Variants in CWC22 observed in about 807,000 individuals in gnomAD.
CWC22 encodes CWC22 spliceosome associated protein.
In CWC22, 53 loss-of-function variants were observed where a neutral mutation model predicts 117.2. The ratio of observed to expected loss-of-function variants is 0.45; its 90% confidence interval spans 0.36 to 0.57. The LOEUF (loss-of-function observed/expected upper bound fraction) is 0.57, where lower values mean the gene tolerates loss of function less well. Among genes scored for constraint, CWC22 ranks in the 20% least tolerant of loss-of-function variants. The pLI, the probability that CWC22 is intolerant of heterozygous loss-of-function variation, is 0.00. For missense variants in CWC22, 980 were observed against 1,068.8 expected, an observed-to-expected ratio of 0.92 and a Z score of 1.16; for synonymous variants, 360 against 355.6, an observed-to-expected ratio of 1.01 and a Z score of -0.14.
chr2:179,986,778 C>T lies in CWC22; in HGVS notation c.123G>A (p.Arg41=). ...TGCTGTAATCAAAGTAATCTCTATC[C>T]CGGGGGGATCGTTCTTGTTCTTCAT... The part of the protein sequence containing the change: ...DRYEEQERSP[R]DRDYFDYSRS... Residue 41 remains arginine (R), a synonymous_variant, in exon 4 of 20, where the codon CGG becomes CGA. Transcript: ENST00000410053. The T allele has an allele frequency of 6.3e-7, 1 of 1,597,128 alleles. No individual in the cohort carries two copies. Among genetic ancestry groups the T allele is most frequent in the Non-Finnish European group, 8.5e-7 (1 of 1,172,824 alleles).
intron 2 of CWC22, among the ~76,000 whole-genome samples, chr2:179,990,445 G>C (rs577206355): frequency 6.6e-6 from 1 of 152,192 alleles, no homozygotes; most frequent in South Asian, 2.1e-4. Flanking sequence ...AGGCCAAGGA[G>C]CTTATGATCT....
chr2:179,949,240 G>A (rs1391380191), intron 19 of CWC22, among the ~76,000 whole-genome samples: 2 of 152,148 alleles, frequency 1.3e-5, no homozygotes, highest in Non-Finnish European at 2.9e-5. Flanking sequence ...GCCTTGCAGG[G>A]CTAGAGAGAC....
intron 1 of CWC22, among the ~76,000 whole-genome samples, chr2:179,995,456 G>A (rs544634377): frequency 2.6e-5 from 4 of 152,272 alleles, no homozygotes; most frequent in African/African-American, 7.2e-5. Flanking sequence ...TTTCAAAGGC[G>A]AAAGAGAGGT....
At chr2:179,980,421 T>TA (rs1427292927) in intron 5 of CWC22, among the ~76,000 whole-genome samples, 5 of 147,392 alleles carry the variant, frequency 3.4e-5, no homozygotes, top group African/African-American at 1.0e-4. Context: ...CATTTCTTAT[T>TA]TTTTTTTTTT....
Position 179,986,735 on chromosome 2 carries a change from A to C in CWC22, c.166T>G (p.Ser56Ala). 1 of 1,609,182 alleles carries C rather than the reference A, an allele frequency of 6.2e-7. No homozygotes were observed. Among genetic ancestry groups the C allele is most frequent in the African/African-American group, 1.3e-5 (1 of 74,942 alleles). Residue 56 changes from serine (S) to alanine (A), a missense_variant, in exon 4 of 20, where the codon TCA (serine) becomes GCA (alanine). Physicochemically the swap from Ser to Ala is moderately conservative, Grantham distance 99. This residue lies in a region of CWC22 where 559 missense variants were observed against 602.3 expected (regional missense o/e 0.93). Coordinates refer to ENST00000410053, the MANE Select transcript of CWC22 (RefSeq NM_020943.3). ...CTATCATAAGAACGTCCTCTTCTTG[A>C]ATGCTCATAGTCTGATCTGCTGTAA... is the stretch of plus-strand genomic sequence containing the variant. Reference protein sequence around the residue: ...FDYSRSDYEHSRRGRSYDSSM... With the variant: ...FDYSRSDYEHARRGRSYDSSM...
intron 13 of CWC22, among the ~76,000 whole-genome samples, chr2:179,961,428 G>A (rs1167560764): frequency 2.0e-5 from 3 of 151,602 alleles, no homozygotes; most frequent in Non-Finnish European, 4.4e-5. Flanking sequence ...ATGGTACAAG[G>A]CAATGAAATA....
rs538460267 is a variant in CWC22 at position 179,981,821 on chromosome 2, C to T, written c.383G>A (p.Arg128His). The T allele has an allele frequency of 1.1e-5, 18 of 1,613,712 alleles. No individual in the cohort carries two copies. Among genetic ancestry groups the T allele is most frequent in the South Asian group, 2.2e-5 (2 of 91,072 alleles). Residue 128 changes from arginine (R) to histidine (H), a missense_variant, in exon 5 of 20, where the codon CGC (arginine) becomes CAC (histidine). Physicochemically the swap from Arg to His is conservative, Grantham distance 29. Around this residue, in one of 3 missense-constraint regions of CWC22, gnomAD observed 559 missense variants for 602.3 expected, o/e 0.93. Transcript: ENST00000410053. ...AGGGGGAATATATGCTCCACCAGTG[C>T]GAGTAAGAAGAGGATCCAGCTCATC... ...KKDELDPLLT[R>H]TGGAYIPPAK...
At chr2:179,951,906 C>T (rs1383457527) in intron 17 of CWC22, among the ~76,000 whole-genome samples, 4 of 151,978 alleles carry the variant, frequency 2.6e-5, no homozygotes, top group Non-Finnish European at 2.9e-5. Flanking sequence ...AAGAGGCATG[C>T]AGCCTGAGAA....
intron 1 of CWC22, among the ~76,000 whole-genome samples, chr2:180,004,384 T>C (rs1687919046): frequency 6.6e-6 from 1 of 152,126 alleles, no homozygotes. Flanking sequence ...TAACTTCTTT[T>C]TTTCTTCTTC....
At position 179,950,623 on chromosome 2, in the gene CWC22, A is replaced by G; in HGVS notation, c.2029T>C (p.Ser677Pro). The change falls in exon 19 of 20, where the codon TCT becomes CCT. Residue 677 changes from serine to proline, a missense_variant. Around this residue, in one of 3 missense-constraint regions of CWC22, gnomAD observed 306 missense variants for 296.8 expected, o/e 1.03. Coordinates refer to ENST00000410053, the MANE Select transcript of CWC22 (RefSeq NM_020943.3). The part of the protein sequence containing the change: ...SPSSSSSASS[S>P]SESDSSDSDS... ...GAGTCGGATGAGTCAGACTCTGAAG[A>G]GGAGGACGCTGAAGAGGAAGAGGAT... is the stretch of plus-strand genomic sequence containing the variant. 6.2e-7 allele frequency: 1 copy of G among 1,613,554 alleles called. No homozygotes were observed. Among genetic ancestry groups the G allele is most frequent in the Non-Finnish European group, 8.5e-7 (1 of 1,179,572 alleles).
chr2:179,952,076 A>G (rs1251096097), intron 17 of CWC22, among the ~76,000 whole-genome samples: 2 of 152,164 alleles, frequency 1.3e-5, no homozygotes, highest in Admixed American at 6.6e-5. Context: ...CTCTAGTTCT[A>G]TGTAATATTT....
chr2:179,955,586 T>C (rs1686568352), intron 14 of CWC22, among the ~76,000 whole-genome samples: 2 of 151,972 alleles, frequency 1.3e-5, no homozygotes, highest in Non-Finnish European at 2.9e-5. Flanking sequence ...GGATGAATTT[T>C]CTCACCTCAA....
chr2:179,959,514 G>A (rs566661314), intron 13 of CWC22, among the ~76,000 whole-genome samples: 13 of 152,168 alleles, frequency 8.5e-5, no homozygotes, highest in African/African-American at 2.4e-4. Context: ...GTCATGCATC[G>A]CTTAATGACA....
intron 16 of CWC22, among the ~76,000 whole-genome samples, chr2:179,953,719 T>G (rs1382499235): frequency 6.6e-6 from 1 of 152,136 alleles, no homozygotes; most frequent in Non-Finnish European, 1.5e-5. Flanking sequence ...CTATAGGATA[T>G]CCTCTCTATA....
chr2:179,967,413 C>T (rs1258444931), intron 11 of CWC22, among the ~76,000 whole-genome samples: 2 of 152,140 alleles, frequency 1.3e-5, no homozygotes, highest in Admixed American at 6.5e-5. Flanking sequence ...AGGAGTCCAT[C>T]GGGGATCACT....
rs2105501105 is a variant in CWC22, at chr2:179,945,558, T to G, written c.2298A>C (p.Lys766Asn). The change falls in exon 20 of 20, where the codon AAA becomes AAC. Residue 766 changes from lysine to asparagine, a missense_variant. This residue lies in a region of CWC22 where 306 missense variants were observed against 296.8 expected (regional missense o/e 1.03). Coordinates refer to ENST00000410053, the MANE Select transcript of CWC22 (RefSeq NM_020943.3). ...AACCACTTGAATTTTGATCTCTGTGTTTTTCTGACCTTCTTTCTCTCTCAG... is the reference window on the plus strand; with the variant it reads ...AACCACTTGAATTTTGATCTCTGTGGTTTTCTGACCTTCTTTCTCTCTCAG... ...TRTERERRSEKHRDQNSSGSN... is the reference protein window; with the variant it reads ...TRTERERRSENHRDQNSSGSN... 1.9e-6 allele frequency: 3 copies of G among 1,613,258 alleles called. No individual in the cohort carries two copies. The Middle Eastern group carries it at 5.0e-4, about 266-fold the overall frequency.
chr2:179,945,799 T>C (rs984021616), intron 19 of CWC22, 84 bp from the exon 20 acceptor site: 11 of 858,062 alleles, frequency 1.3e-5, no homozygotes, highest in Admixed American at 3.0e-5. Context: ...TGATACAGTG[T>C]AGGTTTACTA....
rs541588646 is a variant in CWC22 at position 179,963,447 on chromosome 2, A to C, written c.1397+1100T>G. Among the ~76,000 whole-genome samples the C allele has an allele frequency of 4.4e-3, 572 of 130,050 alleles. 3 individuals carry two copies. Among genetic ancestry groups the C allele is most frequent in the African/African-American group, 0.016 (553 of 34,714 alleles). 85.3% of individuals were successfully genotyped at this position (130,050 alleles called of 152,430 possible). On this transcript the variant is annotated intron_variant, in intron 13 of 19. Transcript: ENST00000410053. ...AAGCTCCGCCTCCCAGGTTCACGCC[A>C]TTCTCCTGCCTCAGCCTCCCGAGTA...
chr2:179,945,510 T>C lies in CWC22; in HGVS notation c.2346A>G (p.Thr782=), dbSNP rs1305893067. ...GAACATCTTTGTCTGATGTGTACTT[T>C]GTTATAGGATCTCTCCAATTTGAAC... The part of the protein sequence containing the change: ...SSGSNWRDPI[T]KYTSDKDVPS... Residue 782 remains threonine, a synonymous_variant, in exon 20 of 20, where the codon ACA becomes ACG. Coordinates refer to ENST00000410053, the MANE Select transcript of CWC22 (RefSeq NM_020943.3). 6 of 1,613,094 alleles carry C rather than the reference T, an allele frequency of 3.7e-6. No individual in the cohort carries two copies. Among genetic ancestry groups the C allele is most frequent in the Non-Finnish European group, 5.1e-6 (6 of 1,179,398 alleles).
Sources: gnomAD v4.1 joint callset for allele counts (sites outside exome capture counted in the v4.1 genomes callset) on GRCh38, gnomAD v4.1.1 for gene constraint, gnomAD v4.1.1 regional missense constraint, MANE v1.5 for transcripts, NCBI Gene and HGNC (gene_info 2026-07-23, HGNC 2026-07-21) for gene names.